Variants in PSD3 observed in about 807,000 individuals in gnomAD.
PSD3 encodes the protein PH and SEC7 domain-containing protein 3.
PSD3 carries 49 observed loss-of-function variants against 105.5 expected under a neutral mutation model. That is an observed-to-expected ratio of 0.46 (90% confidence interval 0.37 to 0.59). PSD3 has a LOEUF of 0.59. PSD3 is among the 20% of genes least tolerant of loss of function. PSD3 has a pLI of 0.00. For missense variants in PSD3, 1,561 were observed against 1,263.8 expected, an observed-to-expected ratio of 1.24 and a Z score of -3.57; for synonymous variants, 557 against 457.8, an observed-to-expected ratio of 1.22 and a Z score of -2.77.
chr8:18,789,316 CACAA>C (rs1293064775), intron 8 of PSD3, among the ~76,000 whole-genome samples: 1 of 152,102 alleles, frequency 6.6e-6, no homozygotes, highest in East Asian at 1.9e-4. Flanking sequence ...CGACTATAAA[CACAA>C]ACAGATATGA....
At chr8:18,652,352 G>C (rs1047287413) in intron 10 of PSD3, among the ~76,000 whole-genome samples, 2 of 152,100 alleles carry the variant, frequency 1.3e-5, no homozygotes, top group African/African-American at 4.8e-5. Context: ...ACAATTCAAA[G>C]TGTCCATCTA....
intron 4 of PSD3, among the ~76,000 whole-genome samples, chr8:18,834,436 T>G (rs78666548): frequency 1.3e-5 from 2 of 152,212 alleles, no homozygotes; most frequent in Admixed American, 1.3e-4. Context: ...CTGAGCATTC[T>G]AATCACTGCA....
intron 4 of PSD3, among the ~76,000 whole-genome samples, chr8:18,810,417 T>C (rs901587160): frequency 5.3e-5 from 8 of 152,240 alleles, no homozygotes; most frequent in Non-Finnish European, 8.8e-5. Flanking sequence ...AGTAGAATAC[T>C]ATTGCCTGTA....
At chr8:18,641,243 G>A (rs1422504662) in intron 10 of PSD3, among the ~76,000 whole-genome samples, 1 of 152,126 alleles carries the variant, frequency 6.6e-6, no homozygotes, top group East Asian at 1.9e-4. Context: ...GAAGCTAGAT[G>A]TTACCAAGTC....
chr8:18,803,907 C>T (rs1810961186), intron 6 of PSD3, among the ~76,000 whole-genome samples: 1 of 151,916 alleles, frequency 6.6e-6, no homozygotes, highest in South Asian at 2.1e-4. Flanking sequence ...TCATTGTATA[C>T]CTAAAAATTG....
chr8:18,915,698 G>T (rs544987814), intron 2 of PSD3, among the ~76,000 whole-genome samples: 2 of 152,180 alleles, frequency 1.3e-5, no homozygotes. Context: ...GAATCTGTTA[G>T]AATGGCTAAT....
chr8:18,592,713 CAAAA>C (rs1803702506), intron 12 of PSD3, among the ~76,000 whole-genome samples: 1 of 151,976 alleles, frequency 6.6e-6, no homozygotes, highest in South Asian at 2.1e-4. Flanking sequence ...AACAAACAAA[CAAAA>C]ACACTTGCCA....
At chr8:18,629,675 A>G (rs945155867) in intron 11 of PSD3, among the ~76,000 whole-genome samples, 11 of 151,984 alleles carry the variant, frequency 7.2e-5, no homozygotes, top group African/African-American at 2.7e-4. Context: ...AAGACAGATA[A>G]TCATCTGTCA....
intron 8 of PSD3, among the ~76,000 whole-genome samples, chr8:18,791,169 T>C (rs559480600): frequency 1.3e-5 from 2 of 152,200 alleles, no homozygotes; most frequent in Admixed American, 6.5e-5. Context: ...AATTTATAGA[T>C]TCAATGCTAT....
At chr8:18,637,937 C>G (rs888148039) in intron 10 of PSD3, among the ~76,000 whole-genome samples, 1 of 152,020 alleles carries the variant, frequency 6.6e-6, no homozygotes, top group Non-Finnish European at 1.5e-5. Context: ...GCAGGTAGAT[C>G]ACAAGGTCAG....
chr8:18,652,493 G>GTTT (rs67555804), intron 10 of PSD3, among the ~76,000 whole-genome samples: 7,448 of 92,440 alleles, frequency 0.081, 884 homozygotes, highest in African/African-American at 0.14. Flanking sequence ...AAAAAGCTTA[G>GTTT]TTTTTTTTTT....
intron 9 of PSD3, among the ~76,000 whole-genome samples, chr8:18,755,429 C>CAACAT (rs372407715): frequency 0.31 from 41,651 of 136,306 alleles, 6,637 homozygotes; most frequent in Middle Eastern, 0.39. Context: ...GACCCTGTCT[C>CAACAT]AACATAACAT....
chr8:18,742,914 A>G (rs1804690125), intron 9 of PSD3, among the ~76,000 whole-genome samples: 1 of 152,216 alleles, frequency 6.6e-6, no homozygotes, highest in South Asian at 2.1e-4. Context: ...CACATTTCAG[A>G]GAACTGTAGA....
chr8:18,780,044 A>C (rs1326822451), intron 8 of PSD3, among the ~76,000 whole-genome samples: 2 of 152,170 alleles, frequency 1.3e-5, no homozygotes, highest in Non-Finnish European at 2.9e-5. Context: ...ATCTGATTTT[A>C]TTGGACTCAG....
chr8:18,845,610 G>A (rs1270704393), intron 4 of PSD3, among the ~76,000 whole-genome samples: 1 of 152,154 alleles, frequency 6.6e-6, no homozygotes, highest in East Asian at 1.9e-4. Flanking sequence ...CTGACAGCAG[G>A]AGTTTCACAG....
chr8:18,779,393 A>C (rs572732076), intron 8 of PSD3, among the ~76,000 whole-genome samples: 109 of 151,910 alleles, frequency 7.2e-4, no homozygotes, highest in African/African-American at 2.6e-3. Flanking sequence ...TCAAAAAAAA[A>C]ACCCAACTCT....
chr8:18,780,062 C>G (rs556230113), intron 8 of PSD3, among the ~76,000 whole-genome samples: 1 of 152,306 alleles, frequency 6.6e-6, no homozygotes, highest in South Asian at 2.1e-4. Context: ...CAGTCTCTCC[C>G]TTTAGATTCA....
chr8:18,748,806 T>C (rs1805238292), intron 9 of PSD3, among the ~76,000 whole-genome samples: 2 of 152,112 alleles, frequency 1.3e-5, no homozygotes, highest in Admixed American at 1.3e-4. Context: ...TGTGCTGAAG[T>C]TATCATCCAC....
chr8:19,060,946 C>G (rs1428755025), intron 1 of PSD3, among the ~76,000 whole-genome samples: 1 of 152,172 alleles, frequency 6.6e-6, no homozygotes, highest in Non-Finnish European at 1.5e-5. Context: ...TTGTTGAAGG[C>G]TCCTGGCTCC....
Sources: gnomAD v4.1 joint callset for allele counts (sites outside exome capture counted in the v4.1 genomes callset) on GRCh38, gnomAD v4.1.1 for gene constraint, MANE v1.5 for transcripts, NCBI Gene and HGNC (gene_info 2026-07-23, HGNC 2026-07-21) for gene names.